NUP107: variants seen among roughly 807,000 people sequenced by gnomAD.
The protein encoded by NUP107 is nucleoporin 107, also known as nuclear pore complex protein Nup107.
Under a neutral mutation model 141.0 loss-of-function variants are expected in NUP107, and 101 were observed. The observed-to-expected ratio is 0.72, with a 90% CI of 0.61 to 0.84. NUP107 has a LOEUF of 0.84. Among genes scored for constraint, NUP107 ranks in the 40% least tolerant of loss-of-function variants. NUP107 has a pLI of 0.00. For missense variants in NUP107, 941 were observed against 1,102.7 expected (o/e 0.85, Z 2.08); for synonymous variants, 319 against 363.9 (o/e 0.88, Z 1.41).
chr12:68,726,360 G>A (rs908971424), intron 18 of NUP107, 139 bp from the exon 19 acceptor site: 3 of 611,462 alleles, frequency 4.9e-6, no homozygotes, highest in African/African-American at 1.9e-5. Flanking sequence ...CAAAGAGGGT[G>A]TAGAGTTATA....
At position 68,745,716 on chromosome 12, in the gene NUP107, C is replaced by T. The variant is rs1878501270; in HGVS notation, c.*3254C>T. 1 of 152,220 alleles carries T rather than the reference C, an allele frequency of 6.6e-6. No individual in the cohort carries two copies. Among genetic ancestry groups the T allele is most frequent in the East Asian group, 1.9e-4 (1 of 5,192 alleles). The allele number at this position is 152,220 out of a possible 1,614,324, so 9.4% of individuals were successfully genotyped here. ...TAATAATGCTTTGTGAATGTATGAT[C>T]TAAGGAGAAACCCTTGTAGTTATAC... On this transcript the variant is annotated 3_prime_UTR_variant, in exon 28 of 28. Transcript: ENST00000229179.
intron 26 of NUP107, among the ~76,000 whole-genome samples, chr12:68,736,514 T>C (rs1213161249): frequency 6.6e-6 from 1 of 152,140 alleles, no homozygotes; most frequent in East Asian, 1.9e-4. Context: ...ACTTCTGGGC[T>C]CAAGCAGTCC....
intron 1 of NUP107, 43 bp downstream of exon 1, chr12:68,687,116 C>T: frequency 6.2e-7 from 1 of 1,612,814 alleles, no homozygotes; most frequent in Non-Finnish European, 8.5e-7. Context: ...TCTTGCCCGT[C>T]TCGCCTGTTG....
At chr12:68,714,710 G>A (rs1418494069) in intron 11 of NUP107, among the ~76,000 whole-genome samples, 3 of 152,140 alleles carry the variant, frequency 2.0e-5, no homozygotes, top group Non-Finnish European at 4.4e-5. Context: ...GCTAAAGTGA[G>A]AACAATATAT....
chr12:68,710,078 C>CA lies in NUP107; in HGVS notation c.879dup (p.Ser294IlefsTer29), dbSNP rs776157918. On this transcript the variant is annotated frameshift_variant, in exon 10 of 28. Transcript: ENST00000229179. LOFTEE classifies it high-confidence loss of function. ...TTTTCTGATAATATTGAGTTTTATG[C>CA]AAAATCAGTATATTGGTAAGTTACC... 2 of 1,547,514 alleles carry CA rather than the reference C, an allele frequency of 1.3e-6. No individual in the cohort carries two copies. The highest frequency in any genetic ancestry group is 1.8e-6 in the Non-Finnish European group (2 of 1,122,246).
intron 8 of NUP107, among the ~76,000 whole-genome samples, chr12:68,707,343 G>A (rs925158850): frequency 3.3e-5 from 5 of 152,192 alleles, no homozygotes; most frequent in South Asian, 2.1e-4. Flanking sequence ...GGCTCATGCC[G>A]GTAATCCCAA....
intron 6 of NUP107, 132 bp from the exon 7 acceptor site, chr12:68,700,594 A>G: frequency 3.8e-6 from 2 of 522,806 alleles, no homozygotes; most frequent in South Asian, 1.1e-4. Context: ...TTAAAAAGAC[A>G]AAATAGAGAA....
chr12:68,726,904 A>G (rs1378547282), intron 19 of NUP107, among the ~76,000 whole-genome samples: 1 of 152,200 alleles, frequency 6.6e-6, no homozygotes, highest in African/African-American at 2.4e-5. Flanking sequence ...TAACTAAACA[A>G]AGTGAGTGCT....
rs1166928970 is a variant in NUP107 at position 68,719,380 on chromosome 12, G to T, written c.1123G>T (p.Ala375Ser). 6.2e-7 allele frequency: 1 copy of T among 1,614,172 alleles called. No individual in the cohort carries two copies. The highest frequency in any genetic ancestry group is 2.2e-5 in the East Asian group (1 of 44,888). The change falls in exon 13 of 28, where the codon GCT becomes TCT. Residue 375 changes from alanine (A) to serine (S), a missense_variant. By Grantham distance (99) the Ala-to-Ser change is moderately conservative. Transcript: ENST00000229179. ...LCKRCGQAWR[A>S]ATLEGWKLYH... The stretch of plus-strand genomic sequence containing the variant: ...TAAACGCTGTGGTCAAGCATGGAGA[G>T]CTGCAACACTTGAAGGCTGGAAACT...
chr12:68,718,308 G>C (rs201743950), intron 12 of NUP107, among the ~76,000 whole-genome samples: 1 of 152,028 alleles, frequency 6.6e-6, no homozygotes, highest in Non-Finnish European at 1.5e-5. Flanking sequence ...TTCTGGAATC[G>C]GATCAGGCCT....
At chr12:68,731,281 T>C in intron 21 of NUP107, 21 bp downstream of exon 21, 1 of 1,586,214 alleles carries the variant, frequency 6.3e-7, no homozygotes, top group Non-Finnish European at 8.5e-7. Flanking sequence ...TTGAAAACTT[T>C]GTCTTTTGGC....
At position 68,709,306 on chromosome 12, in the gene NUP107, T is replaced by C. The variant is rs1371467769; in HGVS notation, c.798T>C (p.Ser266=). 2 of 1,593,316 alleles carry C rather than the reference T, an allele frequency of 1.3e-6. No individual in the cohort carries two copies. The highest frequency in any genetic ancestry group is 2.3e-5 in the East Asian group (1 of 44,370). ...LFQRDSLVRQ[S]QLVVDWLESI... ...AGAGGGATTCACTTGTTCGACAAAGTCAGGTATGACTAGAATTTAAAATTT... is the reference window on the plus strand; with the variant it reads ...AGAGGGATTCACTTGTTCGACAAAGCCAGGTATGACTAGAATTTAAAATTT... Residue 266 remains serine (S), a synonymous_variant, in exon 9 of 28, where the codon AGT becomes AGC. Coordinates refer to ENST00000229179, the MANE Select transcript of NUP107 (RefSeq NM_020401.4).
At chr12:68,725,614 C>T (rs769821760) in intron 17 of NUP107, 113 bp from the exon 18 acceptor site, 5 of 614,162 alleles carry the variant, frequency 8.1e-6, no homozygotes, top group Non-Finnish European at 1.4e-5. Context: ...TCATTTCCAG[C>T]TTTTTCTTTC....
intron 12 of NUP107, among the ~76,000 whole-genome samples, chr12:68,718,392 A>G (rs1485754161): frequency 6.6e-6 from 1 of 152,212 alleles, no homozygotes; most frequent in Admixed American, 6.5e-5. Flanking sequence ...ACATGTATTT[A>G]CCTTACTGGT....
chr12:68,706,718 G>T, intron 8 of NUP107: 2 of 754,518 alleles, frequency 2.7e-6, no homozygotes. Flanking sequence ...GGCCAAGCAG[G>T]ACATGGCACG....
intron 26 of NUP107, among the ~76,000 whole-genome samples, chr12:68,737,276 G>A (rs1255734312): frequency 6.6e-6 from 1 of 152,068 alleles, no homozygotes; most frequent in Non-Finnish European, 1.5e-5. Flanking sequence ...CATAAAATTA[G>A]AGTTGAGGCC....
chr12:68,700,430 T>C (rs1876273579), intron 6 of NUP107, among the ~76,000 whole-genome samples: 1 of 152,224 alleles, frequency 6.6e-6, no homozygotes, highest in South Asian at 2.1e-4. Flanking sequence ...TAACTTATCC[T>C]CTGGGTAGAT....
Position 68,719,321 on chromosome 12 carries a change from G to T in NUP107, c.1084-20G>T. 1 of 1,599,184 alleles carries T rather than the reference G, an allele frequency of 6.3e-7. No individual in the cohort carries two copies. The highest frequency in any genetic ancestry group is 8.6e-7 in the Non-Finnish European group (1 of 1,167,360). On this transcript the variant is annotated intron_variant, in intron 12 of 27. Coordinates refer to ENST00000229179, the MANE Select transcript of NUP107 (RefSeq NM_020401.4). Reference sequence around the variant, plus strand: ...AAGCACCCTGGTTATTGGACTGACTGCTCTTTCTTGTTTTCTAAGGCACAA... The same window carrying T: ...AAGCACCCTGGTTATTGGACTGACTTCTCTTTCTTGTTTTCTAAGGCACAA...
intron 8 of NUP107, chr12:68,705,736 T>A (rs1324461681): frequency 1.7e-5 from 12 of 686,312 alleles, no homozygotes; most frequent in Admixed American, 3.9e-5. Flanking sequence ...CTGCATCAGC[T>A]CCTCGAGCTT....
Sources: allele counts gnomAD v4.1 joint callset (sites outside exome capture counted in the v4.1 genomes callset), GRCh38; gene constraint gnomAD v4.1.1; transcripts MANE v1.5; gene names NCBI Gene and HGNC (gene_info 2026-07-23, HGNC 2026-07-21).